DTNA: variants seen among roughly 807,000 people sequenced by gnomAD.
DTNA encodes the protein dystrophin-related protein 3.
Under a neutral mutation model 100.7 loss-of-function variants are expected in DTNA, and 43 were observed. The observed-to-expected ratio is 0.43, with a 90% CI of 0.33 to 0.55. DTNA has a LOEUF of 0.55. Ranked by LOEUF, DTNA falls within the 20% of genes least tolerant of loss-of-function variation. The probability of loss-of-function intolerance (pLI) is 0.04; values close to 1 mark genes in which losing one functional copy is unlikely to be tolerated. For missense variants in DTNA, 798 were observed against 953.9 expected, an observed-to-expected ratio of 0.84 and a Z score of 2.15; for synonymous variants, 349 against 347.9, an observed-to-expected ratio of 1.00 and a Z score of -0.04.
intron 1 of DTNA, among the ~76,000 whole-genome samples, chr18:34,523,389 A>G (rs2042322641): frequency 6.6e-6 from 1 of 152,170 alleles, no homozygotes; most frequent in Non-Finnish European, 1.5e-5. Flanking sequence ...TTGAAAATCT[A>G]CTTTAATATC....
At chr18:34,539,679 A>G (rs912957684) in intron 1 of DTNA, among the ~76,000 whole-genome samples, 1 of 151,928 alleles carries the variant, frequency 6.6e-6, no homozygotes, top group African/African-American at 2.4e-5. Flanking sequence ...AGTTAATTGT[A>G]TCATTGTCTA....
intron 15 of DTNA, among the ~76,000 whole-genome samples, chr18:34,853,406 A>T (rs2096508556): frequency 6.6e-6 from 1 of 152,216 alleles, no homozygotes; most frequent in African/African-American, 2.4e-5. Context: ...ATAAATGATC[A>T]AAGTATTCTT....
chr18:34,659,430 T>C (rs2074855367), intron 1 of DTNA, among the ~76,000 whole-genome samples: 2 of 152,128 alleles, frequency 1.3e-5, no homozygotes. Context: ...TTTCAACTGC[T>C]CAATAGCCAC....
intron 11 of DTNA, among the ~76,000 whole-genome samples, chr18:34,833,222 A>G (rs1346254296): frequency 6.6e-6 from 1 of 152,186 alleles, no homozygotes; most frequent in African/African-American, 2.4e-5. Context: ...TTAAAAATAT[A>G]TTTCAGGTAT....
chr18:34,495,599 G>A (rs1882861989), intron 1 of DTNA, among the ~76,000 whole-genome samples: 2 of 152,128 alleles, frequency 1.3e-5, no homozygotes, highest in Non-Finnish European at 2.9e-5. Context: ...AGAGTTGGGC[G>A]GTTTTAAAAG....
intron 1 of DTNA, among the ~76,000 whole-genome samples, chr18:34,533,758 A>T (rs888678610): frequency 6.6e-6 from 1 of 152,168 alleles, no homozygotes; most frequent in Non-Finnish European, 1.5e-5. Context: ...TATGTTCTGT[A>T]TGTAAATATC....
At position 34,557,219 on chromosome 18, in the gene DTNA, C is replaced by G. The variant is rs534696568; in HGVS notation, c.-2+63705C>G. 6.5e-3 allele frequency among the ~76,000 whole-genome samples: 953 copies of G among 145,650 alleles called. 9 individuals are homozygous for G. Among genetic ancestry groups the G allele is most frequent in the South Asian group, 0.035 (162 of 4,596 alleles). On this transcript the variant is annotated intron_variant, in intron 1 of 19. Transcript: ENST00000283365. ...CTCGAGCCTTGGTTTTCAGCTCCAT[C>G]AGCTCCTTTAAGCACTTCTCTGTAT... is the stretch of plus-strand genomic sequence containing the variant.
intron 4 of DTNA, 32 bp from the exon 5 acceptor site, chr18:34,806,187 G>C: frequency 6.3e-7 from 1 of 1,594,552 alleles, no homozygotes; most frequent in Non-Finnish European, 8.6e-7. Flanking sequence ...TTTTGTTTTT[G>C]TTTTTGTTTT....
chr18:34,718,205 TA>T (rs1301846345), intron 1 of DTNA, among the ~76,000 whole-genome samples: 9 of 152,098 alleles, frequency 5.9e-5, no homozygotes, highest in Non-Finnish European at 1.3e-4. Flanking sequence ...CTCTTGGAAG[TA>T]GGCGCAACTA....
intron 1 of DTNA, among the ~76,000 whole-genome samples, chr18:34,659,758 T>C (rs1358625455): frequency 1.3e-5 from 2 of 152,162 alleles, no homozygotes; most frequent in Non-Finnish European, 2.9e-5. Flanking sequence ...AAGGAGCATG[T>C]GAGCCTGTTA....
At chr18:34,689,832 A>T (rs2079483257) in intron 1 of DTNA, among the ~76,000 whole-genome samples, 1 of 152,150 alleles carries the variant, frequency 6.6e-6, no homozygotes, top group African/African-American at 2.4e-5. Context: ...TTTCTTTCAG[A>T]GATGCCCTGC....
At chr18:34,800,847 T>A (rs959212019) in intron 4 of DTNA, among the ~76,000 whole-genome samples, 1 of 152,214 alleles carries the variant, frequency 6.6e-6, no homozygotes, top group African/African-American at 2.4e-5. Context: ...AATATCTATT[T>A]GTTGTTTTAT....
chr18:34,775,257 C>T (rs576711777), intron 3 of DTNA, among the ~76,000 whole-genome samples: 117 of 152,226 alleles, frequency 7.7e-4, no homozygotes, highest in African/African-American at 2.7e-3. Context: ...GAGGCCGAGG[C>T]GGGCGGATCA....
At chr18:34,606,277 A>T (rs1161880079) in intron 1 of DTNA, among the ~76,000 whole-genome samples, 2 of 152,174 alleles carry the variant, frequency 1.3e-5, no homozygotes, top group Non-Finnish European at 2.9e-5. Flanking sequence ...TCTTGCCATT[A>T]TAAAGTCTAT....
intron 15 of DTNA, among the ~76,000 whole-genome samples, chr18:34,855,340 T>C (rs1249484546): frequency 6.6e-6 from 1 of 152,196 alleles, no homozygotes; most frequent in African/African-American, 2.4e-5. Flanking sequence ...ATATGCAGGT[T>C]GCATTTACAA....
intron 1 of DTNA, among the ~76,000 whole-genome samples, chr18:34,563,584 G>C (rs1351451310): frequency 1.3e-5 from 2 of 152,162 alleles, no homozygotes; most frequent in Non-Finnish European, 2.9e-5. Context: ...GCTTTGTAAA[G>C]AAATATGCTC....
intron 1 of DTNA, among the ~76,000 whole-genome samples, chr18:34,647,186 C>G (rs1239919685): frequency 6.6e-6 from 1 of 151,974 alleles, no homozygotes. Flanking sequence ...GGCTAAGATC[C>G]TTAAATTTTT....
In DTNA at chr18:34,866,243, G is replaced by GA. The variant is rs2096702655; in HGVS notation, c.1743+2187dup. Reference sequence around the variant, plus strand: ...ATGTTCATGCTTCAGTTTGGAAAGAGAAAAAAGTCATACTAATTTGCTTCT... The same window carrying GA: ...ATGTTCATGCTTCAGTTTGGAAAGAGAAAAAAAGTCATACTAATTTGCTTCT... On this transcript the variant is annotated intron_variant, in intron 17 of 22. Coordinates refer to ENST00000444659, the MANE Select transcript of DTNA (RefSeq NM_001386795.1). 1.9e-6 allele frequency: 3 copies of GA among 1,599,418 alleles called. No homozygotes were observed. In the South Asian group the frequency reaches 3.3e-5, roughly 18 times the overall value.
At chr18:34,863,788 A>C (rs1372744271) in intron 16 of DTNA, among the ~76,000 whole-genome samples, 178 bp from the exon 17 acceptor site, 2 of 152,218 alleles carry the variant, frequency 1.3e-5, no homozygotes, top group Non-Finnish European at 2.9e-5. Flanking sequence ...GACTGCTAAC[A>C]AAAGAAACAC....
Sources: gnomAD v4.1 joint callset for allele counts (sites outside exome capture counted in the v4.1 genomes callset) on GRCh38, gnomAD v4.1.1 for gene constraint, MANE v1.5 for transcripts, NCBI Gene and HGNC (gene_info 2026-07-23, HGNC 2026-07-21) for gene names.